SAMD12: variants seen among roughly 807,000 people sequenced by gnomAD.
SAMD12 encodes the protein sterile alpha motif domain-containing protein 12.
In SAMD12, 9 loss-of-function variants were observed where a neutral mutation model predicts 15.0. The observed-to-expected ratio is 0.60, with a 90% CI of 0.36 to 1.05. The LOEUF (loss-of-function observed/expected upper bound fraction) is 1.05. Among genes scored for constraint, SAMD12 ranks in the 50% least tolerant of loss-of-function variants. The probability of loss-of-function intolerance (pLI) is 0.01; values close to 1 mark genes in which losing one functional copy is unlikely to be tolerated. For synonymous variants in SAMD12, 86 were observed against 90.1 expected, an observed-to-expected ratio of 0.96 and a Z score of 0.25; for missense variants, 230 against 234.2, an observed-to-expected ratio of 0.98 and a Z score of 0.12.
the SAMD12 span, among the ~76,000 whole-genome samples, chr8:118,160,798 T>C: frequency 6.6e-6 from 1 of 152,232 alleles, no homozygotes; most frequent in Non-Finnish European, 1.5e-5. Context: ...TTTTTAATTT[T>C]ATTATTATTA....
intron 2 of SAMD12, among the ~76,000 whole-genome samples, chr8:118,516,919 G>T (rs536049646): frequency 6.6e-6 from 1 of 152,146 alleles, no homozygotes. Context: ...GATTACAGGC[G>T]TGAGCCACCG....
intron 2 of SAMD12, among the ~76,000 whole-genome samples, chr8:118,518,069 G>A (rs925706334): frequency 1.3e-5 from 2 of 152,152 alleles, no homozygotes; most frequent in African/African-American, 2.4e-5. Flanking sequence ...TTGACAAAAA[G>A]TCCTATAAAG....
intron 3 of SAMD12, among the ~76,000 whole-genome samples, chr8:118,388,180 A>G (rs1243998813): frequency 1.3e-5 from 2 of 152,194 alleles, no homozygotes; most frequent in African/African-American, 4.8e-5. Flanking sequence ...CAGAAGTTCT[A>G]TATGACTGTG....
At chr8:118,270,614 T>A (rs1813332548) in intron 4 of SAMD12, among the ~76,000 whole-genome samples, 1 of 152,204 alleles carries the variant, frequency 6.6e-6, no homozygotes, top group African/African-American at 2.4e-5. Context: ...AAAGAAAACA[T>A]TCCTCATTTT....
At chr8:118,181,167 G>A in the SAMD12 span, among the ~76,000 whole-genome samples, 1 of 152,094 alleles carries the variant, frequency 6.6e-6, no homozygotes, top group Non-Finnish European at 1.5e-5. Context: ...GACTACAGGT[G>A]CATACCACCA....
At chr8:118,591,438 G>C (rs748767085) in intron 1 of SAMD12, among the ~76,000 whole-genome samples, 7 of 152,180 alleles carry the variant, frequency 4.6e-5, no homozygotes, top group Non-Finnish European at 8.8e-5. Flanking sequence ...TGTTGATAAA[G>C]AGAAATAACA....
chr8:118,304,573 C>T (rs967245548), intron 4 of SAMD12, among the ~76,000 whole-genome samples: 4 of 151,812 alleles, frequency 2.6e-5, no homozygotes, highest in African/African-American at 9.7e-5. Flanking sequence ...TCCTGGTTAA[C>T]ACGGTGAAAC....
chr8:118,542,345 G>C (rs1269503470), intron 2 of SAMD12, among the ~76,000 whole-genome samples: 2 of 151,952 alleles, frequency 1.3e-5, no homozygotes, highest in African/African-American at 4.8e-5. Flanking sequence ...AATAGTATTT[G>C]GTTTTGAAAA....
At chr8:118,396,611 A>G (rs1288392404) in intron 3 of SAMD12, among the ~76,000 whole-genome samples, 1 of 152,200 alleles carries the variant, frequency 6.6e-6, no homozygotes, top group Non-Finnish European at 1.5e-5. Context: ...AAGTTAAGAA[A>G]TGGGCCCAGA....
intron 4 of SAMD12, among the ~76,000 whole-genome samples, chr8:118,236,765 A>G (rs542250084): frequency 1.3e-5 from 2 of 152,198 alleles, no homozygotes; most frequent in African/African-American, 2.4e-5. Flanking sequence ...ATGTGATGTT[A>G]TGCTTTAGGA....
At chr8:118,362,613 T>A (rs1818563311) in intron 4 of SAMD12, among the ~76,000 whole-genome samples, 1 of 152,220 alleles carries the variant, frequency 6.6e-6, no homozygotes, top group South Asian at 2.1e-4. Context: ...TTTTTAGGAC[T>A]AAACATTAGG....
chr8:118,300,441 G>A (rs997199302), intron 4 of SAMD12, among the ~76,000 whole-genome samples: 9 of 152,134 alleles, frequency 5.9e-5, no homozygotes, highest in Non-Finnish European at 1.2e-4. Context: ...CTTCAGAGGT[G>A]CCCAGGAAAG....
the SAMD12 span, among the ~76,000 whole-genome samples, chr8:118,183,029 A>G: frequency 1.3e-5 from 2 of 152,262 alleles, no homozygotes; most frequent in African/African-American, 4.8e-5. Flanking sequence ...GCATCAAAGA[A>G]TACAAAAATG....
At chr8:118,150,624 C>T in the SAMD12 span, among the ~76,000 whole-genome samples, 1 of 152,170 alleles carries the variant, frequency 6.6e-6, no homozygotes, top group Non-Finnish European at 1.5e-5. Flanking sequence ...CTGCCTTGGC[C>T]TCCCAAAGTG....
chr8:118,404,078 G>A (rs1176855248), intron 3 of SAMD12, among the ~76,000 whole-genome samples: 2 of 152,168 alleles, frequency 1.3e-5, no homozygotes, highest in Non-Finnish European at 2.9e-5. Flanking sequence ...GACCTGCGGG[G>A]CACAAGCAGT....
chr8:118,565,375 A>G (rs1201191998), intron 2 of SAMD12, among the ~76,000 whole-genome samples: 30 of 152,218 alleles, frequency 2.0e-4, no homozygotes, highest in Admixed American at 2.0e-3. Flanking sequence ...ATTACCCTTC[A>G]AACTGAACAG....
chr8:118,410,872 G>C (rs1180065589), intron 3 of SAMD12, among the ~76,000 whole-genome samples: 1 of 152,182 alleles, frequency 6.6e-6, no homozygotes, highest in Admixed American at 6.5e-5. Context: ...AACTTTGACA[G>C]AATTTGTTAT....
intron 4 of SAMD12, among the ~76,000 whole-genome samples, chr8:118,327,190 T>G (rs1484638726): frequency 1.3e-5 from 2 of 152,186 alleles, no homozygotes; most frequent in Non-Finnish European, 2.9e-5. Flanking sequence ...GTGTGTGTGT[T>G]TTTTAAACGA....
the SAMD12 span, among the ~76,000 whole-genome samples, chr8:118,170,627 T>A: frequency 0.049 from 7,394 of 152,180 alleles, 600 homozygotes; most frequent in African/African-American, 0.17. Context: ...AAACATCTAT[T>A]TGCAAAACAA....
Sources: gnomAD v4.1 joint callset for allele counts (sites outside exome capture counted in the v4.1 genomes callset) on GRCh38, gnomAD v4.1.1 for gene constraint, MANE v1.5 for transcripts, NCBI Gene and HGNC (gene_info 2026-07-23, HGNC 2026-07-21) for gene names.